GPR141: variants seen among roughly 807,000 people sequenced by gnomAD.
GPR141 encodes the protein probable G protein-coupled receptor 141.
GPR141 carries 6 observed loss-of-function variants against 6.8 expected under a neutral mutation model. That is an observed-to-expected ratio of 0.88 (90% CI 0.48 to 1.74). GPR141 has a LOEUF of 1.74. Ranked by LOEUF, GPR141 falls within the 40% of genes most tolerant of loss-of-function variation. GPR141 has a pLI of 0.01. For synonymous variants in GPR141, 140 were observed against 142.3 expected (o/e 0.98, Z 0.11); for missense variants, 372 against 372.9 (o/e 1.00, Z 0.02).
chr7:37,709,966 C>T (rs749636516), intron 2 of GPR141, among the ~76,000 whole-genome samples: 3 of 150,928 alleles, frequency 2.0e-5, no homozygotes, highest in South Asian at 2.1e-4. Flanking sequence ...GTTCCCTGCA[C>T]GCCCGCAGTA....
At chr7:37,736,960 T>G (rs1812271253) in intron 2 of GPR141, among the ~76,000 whole-genome samples, 1 of 151,842 alleles carries the variant, frequency 6.6e-6, no homozygotes, top group Non-Finnish European at 1.5e-5. Flanking sequence ...TTTAATTAGA[T>G]ATGTAGAAAT....
intron 2 of GPR141, among the ~76,000 whole-genome samples, chr7:37,699,320 G>A (rs1040255636): frequency 1.3e-5 from 2 of 152,234 alleles, no homozygotes; most frequent in African/African-American, 4.8e-5. Context: ...CCAGCACTTT[G>A]GGAGGCCGAG....
At chr7:37,707,649 G>A (rs1339135049) in intron 2 of GPR141, among the ~76,000 whole-genome samples, 1 of 152,180 alleles carries the variant, frequency 6.6e-6, no homozygotes, top group African/African-American at 2.4e-5. Flanking sequence ...AATAAATTAT[G>A]GAGACATTAA....
intron 2 of GPR141, among the ~76,000 whole-genome samples, chr7:37,701,253 T>G (rs1217687724): frequency 2.0e-5 from 3 of 152,224 alleles, no homozygotes; most frequent in African/African-American, 7.2e-5. Context: ...TCATTGTACA[T>G]TCATTTACGA....
Position 37,741,679 on chromosome 7 carries a change from C to T in GPR141, c.*368C>T, listed in dbSNP as rs926110774. On this transcript the variant is annotated 3_prime_UTR_variant, in exon 3 of 3. Transcript: ENST00000334425. Reference sequence around the variant, plus strand: ...TCTTAGGTTTTGGACTGAACTCAGACCTTTAGTTCTTTTCATCCCACTTCA... The same window carrying T: ...TCTTAGGTTTTGGACTGAACTCAGATCTTTAGTTCTTTTCATCCCACTTCA... Among the ~76,000 whole-genome samples the T allele has an allele frequency of 8.5e-5, 13 of 152,268 alleles. No homozygotes were observed. Among genetic ancestry groups the T allele is most frequent in the Non-Finnish European group, 1.3e-4 (9 of 68,012 alleles).
chr7:37,735,448 G>C (rs1812183568), intron 2 of GPR141, among the ~76,000 whole-genome samples: 1 of 152,214 alleles, frequency 6.6e-6, no homozygotes, highest in Admixed American at 6.5e-5. Flanking sequence ...AGTCAGGCCA[G>C]ATTCATCAGA....
chr7:37,728,526 C>A (rs913318628), intron 2 of GPR141, among the ~76,000 whole-genome samples: 1 of 152,042 alleles, frequency 6.6e-6, no homozygotes, highest in African/African-American at 2.4e-5. Flanking sequence ...ATTTTGTAGG[C>A]TGGTCTCTGA....
chr7:37,737,490 C>T (rs1238283049), intron 2 of GPR141, among the ~76,000 whole-genome samples: 2 of 152,096 alleles, frequency 1.3e-5, no homozygotes, highest in Admixed American at 6.6e-5. Context: ...ATACAACTTG[C>T]GGCCCATGGG....
At chr7:37,723,644 C>T (rs1235161670) in intron 2 of GPR141, among the ~76,000 whole-genome samples, 2 of 152,180 alleles carry the variant, frequency 1.3e-5, no homozygotes, top group Admixed American at 6.5e-5. Context: ...AAGTTACCAG[C>T]ATTGTTGGAT....
At chr7:37,687,934 A>T (rs971026358) in intron 2 of GPR141, among the ~76,000 whole-genome samples, 4 of 152,154 alleles carry the variant, frequency 2.6e-5, no homozygotes, top group African/African-American at 9.7e-5. Flanking sequence ...CAGATCATAA[A>T]TATTTTAGAT....
intron 2 of GPR141, among the ~76,000 whole-genome samples, chr7:37,724,205 A>G (rs947096266): frequency 2.0e-5 from 3 of 152,226 alleles, no homozygotes; most frequent in African/African-American, 7.2e-5. Context: ...GCTCAAATCC[A>G]GAAGCCTGCT....
chr7:37,720,324 A>G (rs891874876), intron 2 of GPR141, among the ~76,000 whole-genome samples: 3 of 152,054 alleles, frequency 2.0e-5, no homozygotes, highest in Non-Finnish European at 2.9e-5. Flanking sequence ...ATGGCTTTAC[A>G]TGGCCCACCT....
chr7:37,701,035 A>AG (rs1810257819), intron 2 of GPR141, among the ~76,000 whole-genome samples: 1 of 152,304 alleles, frequency 6.6e-6, no homozygotes, highest in Admixed American at 6.5e-5. Flanking sequence ...AAAAGTGATC[A>AG]TATACCCCAT....
intron 2 of GPR141, among the ~76,000 whole-genome samples, chr7:37,694,253 G>A (rs900916992): frequency 6.6e-6 from 1 of 152,260 alleles, no homozygotes; most frequent in Non-Finnish European, 1.5e-5. Flanking sequence ...TGGGACAGGT[G>A]CAGCAGCAAG....
chr7:37,712,234 C>T (rs1810833866), intron 2 of GPR141, among the ~76,000 whole-genome samples: 1 of 152,270 alleles, frequency 6.6e-6, no homozygotes, highest in Non-Finnish European at 1.5e-5. Context: ...CTTTGGTACA[C>T]AGCAAGAGAG....
intron 2 of GPR141, among the ~76,000 whole-genome samples, chr7:37,718,795 T>C (rs1450342575): frequency 1.3e-5 from 2 of 152,120 alleles, no homozygotes; most frequent in African/African-American, 4.8e-5. Flanking sequence ...ATCACAAGGG[T>C]GATAGAGCCT....
chr7:37,720,936 A>G (rs80071691), intron 2 of GPR141, among the ~76,000 whole-genome samples: 5,155 of 152,268 alleles, frequency 0.034, 297 homozygotes, highest in African/African-American at 0.12. Flanking sequence ...GTCCTCTTCT[A>G]GTATTCTAAT....
intron 2 of GPR141, among the ~76,000 whole-genome samples, chr7:37,713,190 A>G (rs1452952766): frequency 6.6e-6 from 1 of 152,274 alleles, no homozygotes; most frequent in African/African-American, 2.4e-5. Context: ...AAATGTTCAT[A>G]TAGGCAGTGC....
chr7:37,731,628 A>G (rs181638227), intron 2 of GPR141, among the ~76,000 whole-genome samples: 1 of 151,326 alleles, frequency 6.6e-6, no homozygotes, highest in East Asian at 1.9e-4. Flanking sequence ...TTTTTTTTGT[A>G]TTTTTAGTAG....
Sources: gnomAD v4.1 joint callset for allele counts (sites outside exome capture counted in the v4.1 genomes callset) on GRCh38, gnomAD v4.1.1 for gene constraint, MANE v1.5 for transcripts, NCBI Gene and HGNC (gene_info 2026-07-23, HGNC 2026-07-21) for gene names.